EPB41L2: variants seen among roughly 807,000 people sequenced by gnomAD.
EPB41L2 encodes band 4.1-like protein 2.
Under a neutral mutation model 113.0 loss-of-function variants are expected in EPB41L2, and 43 were observed. The observed-to-expected ratio is 0.38, with a 90% CI of 0.30 to 0.49. The LOEUF is 0.49. Ranked by LOEUF, EPB41L2 falls within the 20% of genes least tolerant of loss-of-function variation. The pLI is 0.95. For synonymous variants in EPB41L2, 442 were observed against 436.7 expected (o/e 1.01, Z -0.15); for missense variants, 1,147 against 1,223.4 (o/e 0.94, Z 0.93).
chr6:131,017,916 A>C (rs917015332), intron 1 of EPB41L2, among the ~76,000 whole-genome samples: 7 of 152,132 alleles, frequency 4.6e-5, no homozygotes, highest in African/African-American at 1.7e-4. Context: ...TTGAGTTTCC[A>C]TTTCTCTGCA....
chr6:130,919,163 T>G (rs887529829), intron 4 of EPB41L2, among the ~76,000 whole-genome samples: 2 of 152,144 alleles, frequency 1.3e-5, no homozygotes, highest in Non-Finnish European at 2.9e-5. Context: ...GTTCCCAAAG[T>G]TTTTGAGTTA....
intron 10 of EPB41L2, among the ~76,000 whole-genome samples, chr6:130,892,313 T>C (rs1163820668): frequency 8.7e-6 from 1 of 115,514 alleles, no homozygotes; most frequent in African/African-American, 2.6e-5. Flanking sequence ...GGGCGAGAAA[T>C]AGACCACGAT....
rs536304173 is a variant in EPB41L2, at chr6:130,954,274, G to C, written c.705+831C>G. Among the ~76,000 whole-genome samples the C allele has an allele frequency of 1.1e-4, 17 of 151,540 alleles. No individual in the cohort carries two copies. The South Asian group carries it at 2.3e-3, about 21-fold the overall frequency. ...TTCACCATGTTAGCCAGGATGGTCT[G>C]GATCTCCTGACCTCGTGATCCGCCC... On this transcript the variant is annotated intron_variant, in intron 3 of 19. Transcript: ENST00000337057.
chr6:130,942,066 AT>A (rs1370831034), intron 3 of EPB41L2, among the ~76,000 whole-genome samples: 4 of 152,188 alleles, frequency 2.6e-5, no homozygotes, highest in Non-Finnish European at 5.9e-5. Flanking sequence ...TACAGACTGT[AT>A]TTTATTATGT....
intron 19 of EPB41L2, among the ~76,000 whole-genome samples, chr6:130,855,495 C>T (rs1303831916): frequency 6.6e-6 from 1 of 151,968 alleles, no homozygotes; most frequent in Admixed American, 6.6e-5. Flanking sequence ...GCTTATGGGC[C>T]CATTATATAC....
At chr6:130,987,699 G>A (rs1475540344) in intron 1 of EPB41L2, among the ~76,000 whole-genome samples, 1 of 26,700 alleles carries the variant, frequency 3.7e-5, no homozygotes. Flanking sequence ...TCTCATAAAT[G>A]AATGAATGAA....
chr6:130,944,082 T>C (rs892840291), intron 3 of EPB41L2, among the ~76,000 whole-genome samples: 3 of 151,964 alleles, frequency 2.0e-5, no homozygotes, highest in Admixed American at 1.3e-4. Flanking sequence ...GTCTGCTGTT[T>C]CCAAGCATCT....
chr6:130,958,465 CAACA>C (rs1818222494), intron 1 of EPB41L2, among the ~76,000 whole-genome samples: 1 of 43,428 alleles, frequency 2.3e-5, no homozygotes, highest in Non-Finnish European at 5.2e-5. Context: ...ACAACAACAA[CAACA>C]AAAAAAAAAA....
chr6:130,890,498 G>C, intron 10 of EPB41L2, 32 bp from the exon 11 acceptor site: 2 of 1,559,080 alleles, frequency 1.3e-6, no homozygotes, highest in Non-Finnish European at 1.7e-6. Flanking sequence ...AAAAGAGAGA[G>C]AGAAAGGGGA....
Position 130,925,349 on chromosome 6 carries a change from C to T in EPB41L2, c.810+1256G>A, listed in dbSNP as rs192823977. On this transcript the variant is annotated intron_variant, in intron 4 of 19. Transcript: ENST00000337057. ...GATTACAGGTGCCCACCACCATGCC[C>T]GGCTAATTTTTGTATTTTTAGTAAA... Among the ~76,000 whole-genome samples the T allele has an allele frequency of 1.4e-4, 21 of 151,830 alleles. No individual in the cohort carries two copies. In the East Asian group the frequency reaches 2.7e-3, roughly 20 times the overall value.
chr6:130,963,982 T>C (rs1184019807), intron 1 of EPB41L2, among the ~76,000 whole-genome samples: 3 of 152,142 alleles, frequency 2.0e-5, no homozygotes, highest in Non-Finnish European at 2.9e-5. Flanking sequence ...GGCCCAATTC[T>C]GTGTAATAAT....
At chr6:130,905,097 C>A (rs1044309514) in intron 5 of EPB41L2, among the ~76,000 whole-genome samples, 9 of 152,070 alleles carry the variant, frequency 5.9e-5, no homozygotes, top group Admixed American at 2.0e-4. Flanking sequence ...ACAATTATTT[C>A]CCAGGTTTTA....
chr6:131,037,033 T>C (rs17060018), intron 1 of EPB41L2, among the ~76,000 whole-genome samples: 8,497 of 152,310 alleles, frequency 0.056, 738 homozygotes, highest in African/African-American at 0.19. Context: ...AATTCAACTA[T>C]AAGCCAATTC....
chr6:130,935,978 C>T (rs1808648023), intron 3 of EPB41L2, among the ~76,000 whole-genome samples: 1 of 152,146 alleles, frequency 6.6e-6, no homozygotes, highest in Non-Finnish European at 1.5e-5. Context: ...TTAAAGCTTG[C>T]TAAGAAAACC....
At chr6:130,986,246 T>C (rs1052493349) in intron 1 of EPB41L2, among the ~76,000 whole-genome samples, 1 of 152,120 alleles carries the variant, frequency 6.6e-6, no homozygotes, top group South Asian at 2.1e-4. Context: ...AGAAAAAGCA[T>C]TTGACAAAAG....
chr6:130,974,875 A>G (rs1052023825), intron 1 of EPB41L2, among the ~76,000 whole-genome samples: 4 of 151,744 alleles, frequency 2.6e-5, no homozygotes, highest in Admixed American at 6.6e-5. Flanking sequence ...CTCCTGCCTC[A>G]GCCTCCCGAG....
intron 1 of EPB41L2, among the ~76,000 whole-genome samples, chr6:130,984,765 A>C (rs903040161): frequency 2.0e-5 from 3 of 152,228 alleles, no homozygotes; most frequent in Admixed American, 2.0e-4. Flanking sequence ...AAGAAAATAC[A>C]TACATTCTAG....
intron 1 of EPB41L2, among the ~76,000 whole-genome samples, chr6:131,008,304 G>A (rs1439657884): frequency 6.6e-6 from 1 of 152,246 alleles, no homozygotes; most frequent in Non-Finnish European, 1.5e-5. Context: ...AAGCCTTGGT[G>A]GCATCCACGT....
chr6:130,925,432 G>A (rs570305378), intron 4 of EPB41L2, among the ~76,000 whole-genome samples: 5 of 151,906 alleles, frequency 3.3e-5, no homozygotes, highest in South Asian at 2.1e-4. Flanking sequence ...CAAGTGATCC[G>A]CCCGCCTCGG....
Sources: allele counts gnomAD v4.1 joint callset (sites outside exome capture counted in the v4.1 genomes callset), GRCh38; gene constraint gnomAD v4.1.1; transcripts MANE v1.5; gene names NCBI Gene and HGNC (gene_info 2026-07-23, HGNC 2026-07-21).